FLT1: variants seen among roughly 807,000 people sequenced by gnomAD.
FLT1 encodes the protein vascular endothelial growth factor receptor 1.
A neutral mutation model predicts 156.3 loss-of-function variants in FLT1; 49 were observed. The observed-to-expected ratio is 0.31, with a 90% CI of 0.25 to 0.40. The LOEUF is 0.40. Among genes scored for constraint, FLT1 ranks in the 10% least tolerant of loss-of-function variants. FLT1 has a pLI of 1.00. For missense variants in FLT1, 1,322 were observed against 1,637.2 expected, an observed-to-expected ratio of 0.81 and a Z score of 3.32; for synonymous variants, 594 against 583.8, an observed-to-expected ratio of 1.02 and a Z score of -0.25.
Position 28,300,645 on chromosome 13 carries a change from CT to C in FLT1, c.*2521del, listed in dbSNP as rs1174863532. On this transcript the variant is annotated 3_prime_UTR_variant, in exon 30 of 30. Coordinates refer to ENST00000282397, the MANE Select transcript of FLT1 (RefSeq NM_002019.4). ...CGAGTATCTGTTTGATGTTTGCATT[CT>C]TGTGGGCTAGGAAACAAGGCACGGG... 4.3e-6 allele frequency: 1 copy of C among 232,464 alleles called. No homozygotes were observed. The highest frequency in any genetic ancestry group is 2.2e-5 in the African/African-American group (1 of 45,064). The allele number at this position is 232,464 out of a possible 1,614,324, so 14.4% of individuals were successfully genotyped here.
In FLT1 at chr13:28,387,569, G is replaced by A. The variant is rs771352311; in HGVS notation, c.1969+2227C>T. On this transcript the variant is annotated intron_variant, in intron 13 of 29. Transcript: ENST00000282397. Reference sequence around the variant, plus strand: ...CCACCAGGTTCTTTCACTTTTCAGTGTTATGGCCCCAGAGATCTGCCAGGT... The same window carrying A: ...CCACCAGGTTCTTTCACTTTTCAGTATTATGGCCCCAGAGATCTGCCAGGT... 2.7e-5 allele frequency: 29 copies of A among 1,064,084 alleles called. No homozygotes were observed. In the Middle Eastern group the frequency reaches 1.3e-3, roughly 46 times the overall value. The allele number at this position is 1,064,084 out of a possible 1,614,324, so 65.9% of individuals were successfully genotyped here. A position where few individuals can be genotyped will look rare whatever the true frequency, so the allele number is the denominator to read the frequency against.
rs1388984299 is a variant in FLT1 at position 28,466,963 on chromosome 13, G to T, written c.328C>A (p.Leu110Ile). ...NHTGFYSCKY[L>I]AVPTSKKKET... Reference sequence around the variant, plus strand: ...TTCTTCTTTGAAGTAGGTACAGCTAGATATTTGCAGCTGTAGAAGCCAGTG... The same window carrying T: ...TTCTTCTTTGAAGTAGGTACAGCTATATATTTGCAGCTGTAGAAGCCAGTG... Residue 110 changes from leucine to isoleucine, a missense_variant, in exon 3 of 30, where the codon CTA becomes ATA. This residue lies in a region of FLT1 where 991 missense variants were observed against 1,254.8 expected (regional missense o/e 0.79). Coordinates refer to ENST00000282397, the MANE Select transcript of FLT1 (RefSeq NM_002019.4). 1.9e-6 allele frequency: 3 copies of T among 1,613,814 alleles called. No individual in the cohort carries two copies. Among genetic ancestry groups the T allele is most frequent in the Non-Finnish European group, 2.5e-6 (3 of 1,179,790 alleles).
rs2138859283 is a variant in FLT1 at position 28,345,497 on chromosome 13, G to A, written c.2303C>T (p.Ala768Val). 6.2e-7 allele frequency: 1 copy of A among 1,613,394 alleles called. No individual in the cohort carries two copies. Among genetic ancestry groups the A allele is most frequent in the Non-Finnish European group, 8.5e-7 (1 of 1,179,580 alleles). The change falls in exon 16 of 30, where the codon GCT (alanine) becomes GTT (valine). Residue 768 changes from alanine (A) to valine (V), a missense_variant. Transcript: ENST00000282397. ...ELITLTCTCV[A>V]ATLFWLLLTL... ...TAATAGGAGCCAGAAGAGAGTCGCA[G>A]CCACACAGGTGCATGTTAGAGTGAT...
rs2137449520 is a variant in FLT1 at position 28,384,958 on chromosome 13, G to A, written c.2043C>T (p.Asp681=). The part of the protein sequence containing the change: ...TVAISSSTTL[D]CHANGVPEPQ... ...GCTCGGGGACACCATTAGCATGACA[G>A]TCTAAAGTGGTGGAACTGCTGATGG... is the stretch of plus-strand genomic sequence containing the variant. Residue 681 remains aspartate (D), a synonymous_variant, in exon 14 of 30, where the codon GAC becomes GAT. Coordinates refer to ENST00000282397, the MANE Select transcript of FLT1 (RefSeq NM_002019.4). 1 of 1,613,936 alleles carries A rather than the reference G, an allele frequency of 6.2e-7. No individual in the cohort carries two copies. Among genetic ancestry groups the A allele is most frequent in the Non-Finnish European group, 8.5e-7 (1 of 1,179,796 alleles).
Position 28,302,283 on chromosome 13 carries a change from A to G in FLT1, c.*884T>C. On this transcript the variant is annotated 3_prime_UTR_variant, in exon 30 of 30. Transcript: ENST00000282397. ...AATGTGACATTTTCAGTGTAAGGCC[A>G]TCATGGCCTGGAGACAACCTAACTC... 4.3e-6 allele frequency: 1 copy of G among 233,222 alleles called. No individual in the cohort carries two copies. Among genetic ancestry groups the G allele is most frequent in the East Asian group, 6.0e-5 (1 of 16,598 alleles). 14.4% of individuals were successfully genotyped at this position (233,222 alleles called of 1,614,324 possible).
intron 3 of FLT1, among the ~76,000 whole-genome samples, chr13:28,458,521 G>T (rs1879394745): frequency 6.6e-6 from 1 of 152,194 alleles, no homozygotes; most frequent in African/African-American, 2.4e-5. Context: ...TGCTAAGGAT[G>T]AAATTATTAG....
chr13:28,372,563 A>AATGTGT (rs1873652307), intron 14 of FLT1, among the ~76,000 whole-genome samples: 1 of 46,594 alleles, frequency 2.1e-5, no homozygotes, highest in Non-Finnish European at 4.4e-5. Flanking sequence ...GTTTAAATAA[A>AATGTGT]ATGTATATAT....
chr13:28,465,654 C>A (rs1256481220), intron 3 of FLT1, among the ~76,000 whole-genome samples: 2 of 152,118 alleles, frequency 1.3e-5, no homozygotes, highest in African/African-American at 4.8e-5. Flanking sequence ...ACCAGCCTGA[C>A]CAACATGGTG....
intron 3 of FLT1, among the ~76,000 whole-genome samples, chr13:28,463,082 A>C (rs1879676635): frequency 6.6e-6 from 1 of 150,772 alleles, no homozygotes; most frequent in East Asian, 1.9e-4. Flanking sequence ...GCATCAAGTA[A>C]ATGAAACCAT....
chr13:28,414,585 T>C (rs1303659005), intron 10 of FLT1, among the ~76,000 whole-genome samples: 2 of 152,206 alleles, frequency 1.3e-5, no homozygotes, highest in Non-Finnish European at 2.9e-5. Context: ...AGGAAACAAA[T>C]CATTAATGTT....
chr13:28,463,401 G>T (rs1484484924), intron 3 of FLT1, among the ~76,000 whole-genome samples: 1 of 152,074 alleles, frequency 6.6e-6, no homozygotes, highest in South Asian at 2.1e-4. Flanking sequence ...TTACATGCTG[G>T]GTTTTGTGAC....
At chr13:28,374,507 ATTTC>A (rs1283316580) in intron 14 of FLT1, among the ~76,000 whole-genome samples, 1 of 151,398 alleles carries the variant, frequency 6.6e-6, no homozygotes, top group Non-Finnish European at 1.5e-5. Flanking sequence ...GTTCTCTCCT[ATTTC>A]TTTTCTTTTT....
intron 1 of FLT1, among the ~76,000 whole-genome samples, chr13:28,470,151 A>G (rs1323490394): frequency 1.3e-5 from 2 of 152,242 alleles, no homozygotes; most frequent in African/African-American, 2.4e-5. Context: ...CCTGTTTCAT[A>G]TGGATCCCAT....
At chr13:28,399,483 C>T (rs1177655282) in intron 11 of FLT1, among the ~76,000 whole-genome samples, 2 of 151,842 alleles carry the variant, frequency 1.3e-5, no homozygotes, top group East Asian at 1.9e-4. Flanking sequence ...TTAGAGCAAC[C>T]GAGAACAAGA....
intron 17 of FLT1, among the ~76,000 whole-genome samples, chr13:28,337,403 T>C (rs968492440): frequency 1.3e-5 from 2 of 152,244 alleles, no homozygotes; most frequent in Non-Finnish European, 2.9e-5. Context: ...GGACATAATC[T>C]GGGTTATTTT....
At chr13:28,326,604 C>A (rs1231265531) in intron 20 of FLT1, among the ~76,000 whole-genome samples, 2 of 143,962 alleles carry the variant, frequency 1.4e-5, no homozygotes, top group African/African-American at 5.2e-5. Context: ...CGGCTCACTG[C>A]AACCTCAGCC....
At chr13:28,323,583 G>A (rs1225800170) in intron 20 of FLT1, among the ~76,000 whole-genome samples, 2 of 151,588 alleles carry the variant, frequency 1.3e-5, no homozygotes, top group Non-Finnish European at 2.9e-5. Flanking sequence ...CCCAGGAGGT[G>A]GAGGTTGCAG....
intron 14 of FLT1, among the ~76,000 whole-genome samples, chr13:28,380,152 G>A (rs1874015103): frequency 6.6e-6 from 1 of 152,156 alleles, no homozygotes; most frequent in South Asian, 2.1e-4. Flanking sequence ...GCTGGCTAAA[G>A]GCTGAGTATA....
rs1348443257 is a variant in FLT1 at position 28,390,083 on chromosome 13, A to G, written c.1682T>C (p.Val561Ala). 1 of 1,613,992 alleles carries G rather than the reference A, an allele frequency of 6.2e-7. No homozygotes were observed. The highest frequency in any genetic ancestry group is 1.3e-5 in the African/African-American group (1 of 74,954). The change falls in exon 13 of 30, where the codon GTT becomes GCT. Residue 561 changes from valine to alanine, a missense_variant. This residue lies in a region of FLT1 where 991 missense variants were observed against 1,254.8 expected (regional missense o/e 0.79). Coordinates refer to ENST00000282397, the MANE Select transcript of FLT1 (RefSeq NM_002019.4). Reference protein sequence around the residue: ...YITDVPNGFHVNLEKMPTEGE... With the variant: ...YITDVPNGFHANLEKMPTEGE... Reference sequence around the variant, plus strand: ...TTCCGTCGGCATTTTTTCCAAGTTAACATGAAACCCATTTGGCACATCTAT... The same window carrying G: ...TTCCGTCGGCATTTTTTCCAAGTTAGCATGAAACCCATTTGGCACATCTAT...
Sources: gnomAD v4.1 joint callset for allele counts (sites outside exome capture counted in the v4.1 genomes callset) on GRCh38, gnomAD v4.1.1 for gene constraint, gnomAD v4.1.1 regional missense constraint, MANE v1.5 for transcripts, NCBI Gene and HGNC (gene_info 2026-07-23, HGNC 2026-07-21) for gene names.